The following PRKRA variants were observed in gnomAD, a reference collection of about 807,000 sequenced individuals.
PRKRA encodes the protein protein activator of interferon induced protein kinase EIF2AK2.
A neutral mutation model predicts 32.4 loss-of-function variants in PRKRA; 22 were observed. The ratio of observed to expected loss-of-function variants is 0.68; its 90% CI spans 0.49 to 0.97. PRKRA has a LOEUF of 0.97. Ranked by LOEUF, PRKRA falls within the 50% of genes least tolerant of loss-of-function variation. The pLI, the probability that PRKRA is intolerant of heterozygous loss-of-function variation, is 0.00. For missense variants in PRKRA, 319 were observed against 375.6 expected (o/e 0.85, Z 1.25); for synonymous variants, 139 against 129.8 (o/e 1.07, Z -0.48).
chr2:178,434,126 T>G (rs929048433), intron 7 of PRKRA: 2 of 151,664 alleles, frequency 1.3e-5, no homozygotes, highest in Non-Finnish European at 2.9e-5. Context: ...TTTTTTTTTT[T>G]TTGAGACAGA....
chr2:178,451,033 C>G lies in PRKRA; in HGVS notation c.-3G>C, dbSNP rs1365878283. On this transcript the variant is annotated 5_prime_UTR_variant, in exon 1 of 8. Coordinates refer to ENST00000325748, the MANE Select transcript of PRKRA (RefSeq NM_003690.5). Reference sequence around the variant, plus strand: ...GCGCGGTGCCTGCTCTGGGACATGGCGAGAAGGGACGGCTCAGCGGCTGGA... The same window carrying G: ...GCGCGGTGCCTGCTCTGGGACATGGGGAGAAGGGACGGCTCAGCGGCTGGA... The G allele has an allele frequency of 1.9e-6, 3 of 1,555,786 alleles. No homozygotes were observed. The highest frequency in any genetic ancestry group is 2.6e-6 in the Non-Finnish European group (3 of 1,156,198).
intron 6 of PRKRA, 121 bp from the exon 7 acceptor site, chr2:178,436,440 T>A: frequency 2.4e-6 from 2 of 819,366 alleles, no homozygotes; most frequent in South Asian, 1.5e-5. Context: ...CATGTTTAAA[T>A]GGATAACATT....
At chr2:178,440,887 G>C (rs1052119245) in intron 6 of PRKRA, among the ~76,000 whole-genome samples, 1 of 151,984 alleles carries the variant, frequency 6.6e-6, no homozygotes, top group African/African-American at 2.4e-5. Context: ...CCTTATATAG[G>C]GGTCCCTTTA....
At chr2:178,440,352 C>G (rs1399777635) in intron 6 of PRKRA, 1 of 152,076 alleles carries the variant, frequency 6.6e-6, no homozygotes, top group Admixed American at 6.5e-5. Context: ...CCACCTAATA[C>G]ACTACTCTCA....
At chr2:178,441,067 GT>G (rs974874343) in intron 6 of PRKRA, among the ~76,000 whole-genome samples, 10 of 152,098 alleles carry the variant, frequency 6.6e-5, no homozygotes, top group African/African-American at 2.4e-4. Context: ...CATTCTACAG[GT>G]CTTGGCTTAG....
intron 3 of PRKRA, among the ~76,000 whole-genome samples, chr2:178,446,076 A>G (rs1697304405): frequency 6.6e-6 from 1 of 151,606 alleles, no homozygotes; most frequent in South Asian, 2.1e-4. Context: ...GTGCAGGGGC[A>G]CAATCTTAGC....
At chr2:178,448,700 G>A (rs1179435780) in intron 2 of PRKRA, among the ~76,000 whole-genome samples, 1 of 152,210 alleles carries the variant, frequency 6.6e-6, no homozygotes, top group Non-Finnish European at 1.5e-5. Context: ...GAGAGATGAT[G>A]GTGGCCTAGG....
intron 7 of PRKRA, among the ~76,000 whole-genome samples, chr2:178,434,420 TTTTC>T (rs1252878028): frequency 4.6e-5 from 7 of 151,182 alleles, no homozygotes; most frequent in Non-Finnish European, 7.4e-5. Flanking sequence ...CTCCAGCCTC[TTTTC>T]TTTTTTTTTT....
intron 6 of PRKRA, among the ~76,000 whole-genome samples, chr2:178,441,036 C>T (rs1414497505): frequency 6.6e-6 from 1 of 152,212 alleles, no homozygotes; most frequent in Non-Finnish European, 1.5e-5. Flanking sequence ...GCTTTTTCTT[C>T]TCTCTGGAAT....
At chr2:178,440,382 C>T (rs1042548300) in intron 6 of PRKRA, 2 of 152,152 alleles carry the variant, frequency 1.3e-5, no homozygotes, top group African/African-American at 4.8e-5. Context: ...CCACATGACA[C>T]ACCTATCTGT....
chr2:178,434,186 C>A (rs1346849493), intron 7 of PRKRA: 1 of 151,918 alleles, frequency 6.6e-6, no homozygotes, highest in African/African-American at 2.4e-5. Flanking sequence ...TCTCGGTTCA[C>A]TGCAACCTCT....
intron 4 of PRKRA, 67 bp from the exon 5 acceptor site, chr2:178,443,451 T>A: frequency 1.3e-6 from 1 of 749,878 alleles, no homozygotes; most frequent in Non-Finnish European, 2.0e-6. Flanking sequence ...AGTGTTTTCT[T>A]AATTTTGATC....
intron 2 of PRKRA, among the ~76,000 whole-genome samples, chr2:178,448,908 T>C (rs1210415805): frequency 6.6e-6 from 1 of 152,056 alleles, no homozygotes; most frequent in Non-Finnish European, 1.5e-5. Context: ...GCAAGAAGAA[T>C]GGGTTTGAGG....
At chr2:178,445,181 T>C (rs1207053511) in intron 3 of PRKRA, among the ~76,000 whole-genome samples, 2 of 152,156 alleles carry the variant, frequency 1.3e-5, no homozygotes, top group Non-Finnish European at 2.9e-5. Context: ...TTTTAGCAAG[T>C]GGGGATTATG....
At chr2:178,444,010 T>A (rs574089340) in intron 4 of PRKRA, 13 of 153,744 alleles carry the variant, frequency 8.5e-5, no homozygotes, top group Middle Eastern at 3.3e-3. Context: ...ATAGATAAAA[T>A]TTTTTTTTTT....
intron 3 of PRKRA, among the ~76,000 whole-genome samples, chr2:178,446,160 G>A (rs1477273411): frequency 2.6e-5 from 4 of 151,844 alleles, no homozygotes; most frequent in Admixed American, 6.6e-5. Context: ...GATTACAGGC[G>A]CCTGCCACCA....
At chr2:178,446,180 A>T (rs1489644617) in intron 3 of PRKRA, among the ~76,000 whole-genome samples, 3 of 151,554 alleles carry the variant, frequency 2.0e-5, no homozygotes, top group Non-Finnish European at 2.9e-5. Context: ...ATGCCTGGCT[A>T]ATTTTTGTAT....
chr2:178,435,527 A>C (rs962279177), intron 7 of PRKRA, among the ~76,000 whole-genome samples: 4 of 152,214 alleles, frequency 2.6e-5, no homozygotes, highest in African/African-American at 9.6e-5. Context: ...GGCTAGAGAA[A>C]ATACAGATGA....
intron 6 of PRKRA, chr2:178,439,801 A>G (rs1318177736): frequency 6.6e-6 from 1 of 152,152 alleles, no homozygotes; most frequent in Admixed American, 6.5e-5. Flanking sequence ...TGAGAGGATT[A>G]TATATTACTC....
Sources: gnomAD v4.1 joint callset for allele counts (sites outside exome capture counted in the v4.1 genomes callset) on GRCh38, gnomAD v4.1.1 for gene constraint, MANE v1.5 for transcripts, NCBI Gene and HGNC (gene_info 2026-07-23, HGNC 2026-07-21) for gene names.